The following NCAPH2 variants were observed in gnomAD, a reference collection of about 807,000 sequenced individuals.
NCAPH2 encodes non-SMC condensin II complex subunit H2.
A neutral mutation model predicts 88.6 loss-of-function variants in NCAPH2; 56 were observed. That is an observed-to-expected ratio of 0.63 (90% confidence interval 0.51 to 0.79). The LOEUF is 0.79. Among genes scored for constraint, NCAPH2 ranks in the 30% least tolerant of loss-of-function variants. The pLI is 0.00. For missense variants in NCAPH2, 794 were observed against 792.0 expected, an observed-to-expected ratio of 1.00 and a Z score of -0.03; for synonymous variants, 378 against 313.6, an observed-to-expected ratio of 1.21 and a Z score of -2.17.
intron 4 of NCAPH2, 31 bp downstream of exon 4, chr22:50,517,692 A>G: frequency 6.2e-7 from 1 of 1,614,032 alleles, no homozygotes; most frequent in East Asian, 2.2e-5. Flanking sequence ...GTCCCCGCCC[A>G]CTGTGTGTTT....
rs1363057884 is a variant in NCAPH2, at chr22:50,524,328, G to A, written c.*953G>A. 6.2e-7 allele frequency: 1 copy of A among 1,601,754 alleles called. No homozygotes were observed. Among genetic ancestry groups the A allele is most frequent in the Non-Finnish European group, 8.5e-7 (1 of 1,179,902 alleles). On this transcript the variant is annotated 3_prime_UTR_variant, in exon 20 of 20. Coordinates refer to ENST00000420993, the MANE Select transcript of NCAPH2 (RefSeq NM_152299.4). ...GCCAGGACCTCAGATGCAGGGCCTG[G>A]CCTCCCAGGGTCCCAGGGAGGACCC...
At chr22:50,509,690 TCTGG>T (rs2068733735) in intron 1 of NCAPH2, among the ~76,000 whole-genome samples, 1 of 152,332 alleles carries the variant, frequency 6.6e-6, no homozygotes, top group South Asian at 2.1e-4. Flanking sequence ...AAAATTAAAA[TCTGG>T]CCACAGCACT....
At position 50,517,579 on chromosome 22, in the gene NCAPH2, G is replaced by T; in HGVS notation, c.269G>T (p.Arg90Leu). 1.9e-6 allele frequency: 3 copies of T among 1,614,046 alleles called. No individual in the cohort carries two copies. The highest frequency in any genetic ancestry group is 2.5e-6 in the Non-Finnish European group (3 of 1,180,014). Residue 90 changes from arginine (R) to leucine (L), a missense_variant and splice_region_variant, in exon 4 of 20, where the codon CGG (arginine) becomes CTG (leucine). This residue lies in a region of NCAPH2 where 735 missense variants were observed against 696.3 expected (regional missense o/e 1.06). Transcript: ENST00000420993. The stretch of plus-strand genomic sequence containing the variant: ...CACGGGATGTGCTTCTCTCTCAGGC[G>T]GGCCAAGCAGCTCTCTTCGGTGCAG... ...QALDFISGKR[R>L]AKQLSSVQED...
In NCAPH2 at chr22:50,518,703, T is replaced by C. The variant is rs777601250; in HGVS notation, c.701T>C (p.Val234Ala). 6.2e-7 allele frequency: 1 copy of C among 1,608,774 alleles called. No individual in the cohort carries two copies. The highest frequency in any genetic ancestry group is 1.1e-5 in the South Asian group (1 of 89,850). The change falls in exon 8 of 20, where the codon GTC (valine) becomes GCC (alanine). Residue 234 changes from valine to alanine, a missense_variant. Val to Ala is a moderately conservative substitution (Grantham distance 64). This residue lies in a region of NCAPH2 where 735 missense variants were observed against 696.3 expected (regional missense o/e 1.06). Transcript: ENST00000420993. ...GAAGTTTCCGTGTGCAGGAGCCCTG[T>C]CCCAGCACTCGGCTTCTCCCAGGAG... ...PMEVSVCRSP[V>A]PALGFSQEPG... is the part of the protein sequence containing the mutation.
chr22:50,509,065 G>A (rs1436522879), intron 1 of NCAPH2, among the ~76,000 whole-genome samples: 2 of 152,100 alleles, frequency 1.3e-5, no homozygotes, highest in African/African-American at 2.4e-5. Context: ...AGCATTTGTT[G>A]GACTGGCCAC....
chr22:50,509,242 C>T (rs775058171), intron 1 of NCAPH2, among the ~76,000 whole-genome samples: 2 of 152,208 alleles, frequency 1.3e-5, no homozygotes, highest in South Asian at 2.1e-4. Context: ...TTAAATATTG[C>T]CTGTATTAGG....
At chr22:50,518,757 A>ACTGG in intron 8 of NCAPH2, 25 bp downstream of exon 8, 1 of 1,584,022 alleles carries the variant, frequency 6.3e-7, no homozygotes. Flanking sequence ...CCCCGGTGGG[A>ACTGG]CTGGCAGGGC....
chr22:50,517,996 G>A lies in NCAPH2; in HGVS notation c.444G>A (p.Leu148=), dbSNP rs756676135. ...TPSEVLIIPL[L]PMALVAPDEM... ...AGGAGGTCCTCATCATCCCCCTCCTGCCCATGGCCCTGGTGGCCCCTGATG... is the reference window on the plus strand; with the variant it reads ...AGGAGGTCCTCATCATCCCCCTCCTACCCATGGCCCTGGTGGCCCCTGATG... Residue 148 remains leucine, a synonymous_variant, in exon 6 of 20, where the codon CTG becomes CTA. Transcript: ENST00000420993. 6 of 1,613,944 alleles carry A rather than the reference G, an allele frequency of 3.7e-6. No individual in the cohort carries two copies. Among genetic ancestry groups the A allele is most frequent in the Admixed American group, 1.7e-5 (1 of 59,996 alleles).
intron 12 of NCAPH2, 44 bp downstream of exon 12, chr22:50,521,892 G>T: frequency 6.2e-7 from 1 of 1,613,324 alleles, no homozygotes; most frequent in Non-Finnish European, 8.5e-7. Context: ...GGAGCTGGGG[G>T]CTGGGCCAGG....
At position 50,523,314 on chromosome 22, in the gene NCAPH2, C is replaced by G; in HGVS notation, c.1757C>G (p.Thr586Arg). 1 of 1,590,450 alleles carries G rather than the reference C, an allele frequency of 6.3e-7. No individual in the cohort carries two copies. The highest frequency in any genetic ancestry group is 8.6e-7 in the Non-Finnish European group (1 of 1,168,408). ...GACACCATGTCCCTGAGACTGCTCA[C>G]GCACCAGCGAGCGCACAAGCGCTTC... ...AVDTMSLRLL[T>R]HQRAHKRFQT... Residue 586 changes from threonine to arginine, a missense_variant, in exon 20 of 20, where the codon ACG becomes AGG. Physicochemically the swap from Thr to Arg is moderately conservative, Grantham distance 71. This residue lies in a region of NCAPH2 where 735 missense variants were observed against 696.3 expected (regional missense o/e 1.06). Transcript: ENST00000420993.
At chr22:50,521,273 C>T (rs191627920) in intron 10 of NCAPH2, among the ~76,000 whole-genome samples, 303 of 149,994 alleles carry the variant, frequency 2.0e-3, no homozygotes, top group African/African-American at 7.2e-3. Flanking sequence ...TGTCACTGCA[C>T]TTGTTGCCTG....
At chr22:50,511,141 C>T (rs571986499) in intron 1 of NCAPH2, among the ~76,000 whole-genome samples, 1 of 147,104 alleles carries the variant, frequency 6.8e-6, no homozygotes, top group African/African-American at 2.5e-5. Flanking sequence ...CCACCGCGCC[C>T]AGCCAAAAAA....
At chr22:50,513,979 G>A (rs760127108) in intron 1 of NCAPH2, among the ~76,000 whole-genome samples, 9 of 152,088 alleles carry the variant, frequency 5.9e-5, no homozygotes, top group Admixed American at 1.3e-4. Flanking sequence ...TTAGCCGGGC[G>A]CCTATAATCC....
In NCAPH2 at chr22:50,521,027, C is replaced by T. The variant is rs147011565; in HGVS notation, c.924C>T (p.Ser308=). The change falls in exon 10 of 20, where the codon TCC becomes TCT. Residue 308 remains serine (S), a synonymous_variant. Coordinates refer to ENST00000420993, the MANE Select transcript of NCAPH2 (RefSeq NM_152299.4). ...REREGAPEPA[S]CVKETPDPWQ... ...GGGAGGGGGCCCCAGAGCCTGCATC[C>T]TGCGTGAAGGTAGGAGTGTTGGGGC... The T allele has an allele frequency of 1.7e-5, 27 of 1,550,404 alleles. No individual in the cohort carries two copies. In the South Asian group the frequency reaches 2.6e-4, roughly 15 times the overall value.
chr22:50,513,974 C>T (rs1040923718), intron 1 of NCAPH2, among the ~76,000 whole-genome samples: 3 of 151,992 alleles, frequency 2.0e-5, no homozygotes, highest in East Asian at 1.9e-4. Flanking sequence ...AAAAATTAGC[C>T]GGGCGCCTAT....
chr22:50,518,551 C>T, intron 7 of NCAPH2, 98 bp from the exon 8 acceptor site: 1 of 1,270,244 alleles, frequency 7.9e-7, no homozygotes, highest in Non-Finnish European at 1.1e-6. Context: ...CTGGTCTCTG[C>T]CCTCCTGCTG....
At position 50,508,456 on chromosome 22, in the gene NCAPH2, C is replaced by T. The variant is rs770520702; in HGVS notation, c.108+11C>T. 1.7e-4 allele frequency: 29 copies of T among 172,352 alleles called. No homozygotes were observed. In the East Asian group the frequency reaches 4.8e-3, roughly 29 times the overall value. 10.7% of individuals were successfully genotyped at this position (172,352 alleles called of 1,614,324 possible). The stretch of plus-strand genomic sequence containing the variant: ...GAGTATCTGGAGGAGGTAAGGGCGG[C>T]GGGGGAGTGACGCGGGGTGGGCCGG... On this transcript the variant is annotated intron_variant, in intron 1 of 19. Coordinates refer to ENST00000420993, the MANE Select transcript of NCAPH2 (RefSeq NM_152299.4).
At position 50,522,868 on chromosome 22, in the gene NCAPH2, G is replaced by A. The variant is rs761850316; in HGVS notation, c.1473G>A (p.Leu491=). ...AGAAGTTTGTCCAGGAGACAGAGCTGAGCCAGCGCATCAGGGACTGGGAGG... is the reference window on the plus strand; with the variant it reads ...AGAAGTTTGTCCAGGAGACAGAGCTAAGCCAGCGCATCAGGGACTGGGAGG... The part of the protein sequence containing the change: ...TSQKFVQETE[L]SQRIRDWEDT... The change falls in exon 18 of 20, where the codon CTG becomes CTA. Residue 491 remains leucine, a synonymous_variant. Transcript: ENST00000420993. The A allele has an allele frequency of 5.0e-6, 8 of 1,613,486 alleles. No homozygotes were observed. The South Asian group carries it at 5.5e-5, about 11-fold the overall frequency.
Position 50,522,866 on chromosome 22 carries a change from C to T in NCAPH2, c.1471C>T (p.Leu491=), listed in dbSNP as rs753975421. ...TSQKFVQETE[L]SQRIRDWEDT... ...CCAGAAGTTTGTCCAGGAGACAGAG[C>T]TGAGCCAGCGCATCAGGGACTGGGA... The change falls in exon 18 of 20, where the codon CTG becomes TTG. Residue 491 remains leucine (L), a synonymous_variant. Coordinates refer to ENST00000420993, the MANE Select transcript of NCAPH2 (RefSeq NM_152299.4). 5 of 1,613,446 alleles carry T rather than the reference C, an allele frequency of 3.1e-6. No individual in the cohort carries two copies. The highest frequency in any genetic ancestry group is 4.2e-6 in the Non-Finnish European group (5 of 1,179,994).
Sources: allele counts gnomAD v4.1 joint callset (sites outside exome capture counted in the v4.1 genomes callset), GRCh38; gene constraint gnomAD v4.1.1; regional missense constraint gnomAD v4.1.1; transcripts MANE v1.5; gene names NCBI Gene and HGNC (gene_info 2026-07-23, HGNC 2026-07-21).